BRAP: variants seen among roughly 807,000 people sequenced by gnomAD.
BRAP encodes BRCA1 associated protein.
BRAP carries 42 observed loss-of-function variants against 73.4 expected under a neutral mutation model. The ratio of observed to expected loss-of-function variants is 0.57; its 90% CI spans 0.45 to 0.74. BRAP has a LOEUF of 0.74. Ranked by LOEUF, BRAP falls within the 30% of genes least tolerant of loss-of-function variation. BRAP has a pLI of 0.00. For missense variants in BRAP, 593 were observed against 751.4 expected, an observed-to-expected ratio of 0.79 and a Z score of 2.46; for synonymous variants, 255 against 267.4, an observed-to-expected ratio of 0.95 and a Z score of 0.45.
chr12:111,674,363 C>T (rs981100210), intron 4 of BRAP, among the ~76,000 whole-genome samples: 10 of 152,278 alleles, frequency 6.6e-5, no homozygotes, highest in Admixed American at 2.0e-4. Context: ...CTGTCTCAGT[C>T]TCCTGTGTAG....
At chr12:111,685,663 CG>C (rs759884555) in intron 1 of BRAP, 47 bp downstream of exon 1, 1 of 1,567,170 alleles carries the variant, frequency 6.4e-7, no homozygotes, top group South Asian at 1.2e-5. Flanking sequence ...GGAAGCCCTC[CG>C]GGCCCAGACC....
In BRAP at chr12:111,665,752, G is replaced by A. The variant is rs1271112643; in HGVS notation, c.783C>T (p.Leu261=). 1 of 1,614,138 alleles carries A rather than the reference G, an allele frequency of 6.2e-7. No homozygotes were observed. Among genetic ancestry groups the A allele is most frequent in the Non-Finnish European group, 8.5e-7 (1 of 1,180,048 alleles). Residue 261 remains leucine (L), a synonymous_variant, in exon 6 of 12, where the codon CTC becomes CTT. Transcript: ENST00000419234. This position sits in a 1 kb window ranked among gnomAD's most constrained non-coding sequence, Gnocchi z 4.3. The stretch of plus-strand genomic sequence containing the variant: ...GCTCCAGACACACCGTGCACTTGGG[G>A]AGTTCAGTCAGGTCCATCACTGGGA... ...ASLPVMDLTE[L]PKCTVCLERM...
chr12:111,678,910 C>T (rs1482047001), intron 4 of BRAP, among the ~76,000 whole-genome samples: 1 of 150,726 alleles, frequency 6.6e-6, no homozygotes, highest in Non-Finnish European at 1.5e-5. Flanking sequence ...TTGCTTGAGG[C>T]CAAGAGTAGC....
rs1465484457 is a variant in BRAP at position 111,650,585 on chromosome 12, T to C, written c.1312-543A>G. Among the ~76,000 whole-genome samples the C allele has an allele frequency of 2.6e-5, 4 of 151,798 alleles. No individual in the cohort carries two copies. In the East Asian group the frequency reaches 7.8e-4, roughly 30 times the overall value. On this transcript the variant is annotated intron_variant, in intron 10 of 11. Coordinates refer to ENST00000419234, the MANE Select transcript of BRAP (RefSeq NM_006768.5). ...CCGGCCTAATTTTTCTATTTTTTAG[T>C]AGAGATGCCACGTTGGCCAGGCTGG... is the stretch of plus-strand genomic sequence containing the variant.
chr12:111,679,309 G>A lies in BRAP; in HGVS notation c.475C>T (p.Arg159Cys), dbSNP rs764367096. The change falls in exon 4 of 12, where the codon CGC (arginine) becomes TGC (cysteine). Residue 159 changes from arginine to cysteine, a missense_variant. Transcript: ENST00000419234. ...GTGAGAATACACAGCATGGCACTGC[G>A]CCGCACATCTTCTTTTAAGGAGGTC... ...KMTSLKEDVR[R>C]SAMLCILTVP... The A allele has an allele frequency of 2.2e-5, 34 of 1,568,570 alleles. No individual in the cohort carries two copies. Among genetic ancestry groups the A allele is most frequent in the Admixed American group, 9.2e-5 (5 of 54,452 alleles).
intron 5 of BRAP, among the ~76,000 whole-genome samples, chr12:111,668,268 T>C (rs1200251580): frequency 2.6e-5 from 4 of 152,188 alleles, no homozygotes; most frequent in Admixed American, 1.3e-4. Context: ...ATTCACAAGT[T>C]AGTAATTTAA....
In BRAP at chr12:111,643,762, C is replaced by G. The variant is rs752847691; in HGVS notation, c.*437G>C. On this transcript the variant is annotated 3_prime_UTR_variant, in exon 12 of 12. Coordinates refer to ENST00000419234, the MANE Select transcript of BRAP (RefSeq NM_006768.5). ...TCCTTAATAGCCAATGGAAACCTCT[C>G]TTTAAAGCAGCTGTTATGCCCTCAG... The G allele has an allele frequency of 1.4e-4, 23 of 163,510 alleles. No individual in the cohort carries two copies. The highest frequency in any genetic ancestry group is 2.9e-4 in the Admixed American group (5 of 17,234). 10.1% of individuals were successfully genotyped at this position (163,510 alleles called of 1,614,324 possible).
intron 10 of BRAP, among the ~76,000 whole-genome samples, chr12:111,652,699 A>G (rs540160561): frequency 1.3e-5 from 2 of 152,042 alleles, no homozygotes; most frequent in East Asian, 3.9e-4. Context: ...CAACATAGTA[A>G]GATTCCCCCA....
At chr12:111,683,907 T>C (rs902572915) in intron 1 of BRAP, among the ~76,000 whole-genome samples, 1 of 152,140 alleles carries the variant, frequency 6.6e-6, no homozygotes, top group Non-Finnish European at 1.5e-5. Context: ...ACAGTGATCA[T>C]GCCCAGATGA....
Position 111,683,196 on chromosome 12 carries a change from C to A in BRAP, c.194G>T (p.Gly65Val). Residue 65 changes from glycine to valine, a missense_variant, in exon 2 of 12, where the codon GGC becomes GTC. By Grantham distance (109) the Gly-to-Val change is moderately radical. Transcript: ENST00000419234. ...GATCACATCTGTCATTTCTCGACGG[C>A]CGAGATGCTGATGGATAATCGCTAC... ...EKVAIIHQHL[G>V]RREMTDVIIE... The A allele has an allele frequency of 6.2e-7, 1 of 1,614,124 alleles. No homozygotes were observed. Among genetic ancestry groups the A allele is most frequent in the Non-Finnish European group, 8.5e-7 (1 of 1,180,020 alleles).
intron 4 of BRAP, among the ~76,000 whole-genome samples, chr12:111,675,384 GACA>G (rs1464281012): frequency 2.0e-5 from 3 of 151,484 alleles, no homozygotes; most frequent in African/African-American, 4.9e-5. Flanking sequence ...TTTTTGTAAT[GACA>G]ACATCACTAA....
intron 11 of BRAP, among the ~76,000 whole-genome samples, chr12:111,649,133 T>C (rs1176208388): frequency 1.3e-5 from 2 of 152,180 alleles, no homozygotes; most frequent in Non-Finnish European, 2.9e-5. Flanking sequence ...AATTTTGTAG[T>C]GTTGTTTTTA....
rs1226561510 is a variant in BRAP at position 111,655,587 on chromosome 12, T to C, written c.1290A>G (p.Ile430Met). Residue 430 changes from isoleucine (I) to methionine (M), a missense_variant, in exon 10 of 12, where the codon ATA becomes ATG. By Grantham distance (10) the Ile-to-Met change is conservative (BLOSUM62 1). This residue lies in a region of BRAP where 143 missense variants were observed against 190.4 expected (regional missense o/e 0.75). Coordinates refer to ENST00000419234, the MANE Select transcript of BRAP (RefSeq NM_006768.5). ...RIYWENKIVR[I>M]EKDTAEEINN... ...TTACTTCCTCTGCTGTGTCCTTCTC[T>C]ATCCGAACTATCTTGTTTTCCCAGT... 4 of 1,613,646 alleles carry C rather than the reference T, an allele frequency of 2.5e-6. No individual in the cohort carries two copies. Among genetic ancestry groups the C allele is most frequent in the Non-Finnish European group, 3.4e-6 (4 of 1,179,526 alleles).
chr12:111,665,846 C>G lies in BRAP; in HGVS notation c.748-59G>C, dbSNP rs1592983679. 5 of 1,603,826 alleles carry G rather than the reference C, an allele frequency of 3.1e-6. No homozygotes were observed. The East Asian group carries it at 1.1e-4, about 36-fold the overall frequency. ...CATCTACCAGCAATACTTTATTTTT[C>G]CTTCTTTTTTCTGAGACAGGGTCTC... On this transcript the variant is annotated intron_variant, in intron 5 of 11. Coordinates refer to ENST00000419234, the MANE Select transcript of BRAP (RefSeq NM_006768.5). This position sits in a 1 kb window ranked among gnomAD's most constrained non-coding sequence, Gnocchi z 4.3.
chr12:111,660,563 C>G (rs1886708364), intron 7 of BRAP, 37 bp downstream of exon 7: 2 of 1,547,174 alleles, frequency 1.3e-6, no homozygotes, highest in Non-Finnish European at 1.8e-6. Context: ...ACAATTAAAG[C>G]TGCATTCTTT....
At chr12:111,659,469 C>A in intron 7 of BRAP, 124 bp from the exon 8 acceptor site, 1 of 780,396 alleles carries the variant, frequency 1.3e-6, no homozygotes, top group Non-Finnish European at 2.0e-6. Flanking sequence ...GCCTGGCCAA[C>A]ATGATGAAAC....
intron 2 of BRAP, among the ~76,000 whole-genome samples, 165 bp downstream of exon 2, chr12:111,682,981 T>G (rs921828969): frequency 2.0e-5 from 3 of 152,158 alleles, no homozygotes; most frequent in Non-Finnish European, 4.4e-5. Context: ...GAAGAAATAT[T>G]TGGAAACACT....
chr12:111,643,241 C>A lies in BRAP; in HGVS notation c.*958G>T, dbSNP rs1005697178. ...ACAGCTTTTGGTTATATCTTGAAAG[C>A]GTAATTGAAAATCTGCCCAAGCTCC... On this transcript the variant is annotated 3_prime_UTR_variant, in exon 12 of 12. Coordinates refer to ENST00000419234, the MANE Select transcript of BRAP (RefSeq NM_006768.5). 6.6e-6 allele frequency: 1 copy of A among 152,106 alleles called. No individual in the cohort carries two copies. The highest frequency in any genetic ancestry group is 2.4e-5 in the African/African-American group (1 of 41,414). 9.4% of individuals were successfully genotyped at this position (152,106 alleles called of 1,614,324 possible). A position where few individuals can be genotyped will look rare whatever the true frequency, so the allele number is the denominator to read the frequency against.
intron 3 of BRAP, 103 bp downstream of exon 3, chr12:111,681,534 C>T: frequency 1.1e-6 from 1 of 912,326 alleles, no homozygotes; most frequent in South Asian, 2.0e-5. Context: ...TATTTTGAAG[C>T]TTAAAATACC....
Sources: allele counts gnomAD v4.1 joint callset (sites outside exome capture counted in the v4.1 genomes callset), GRCh38; gene constraint gnomAD v4.1.1; regional missense constraint gnomAD v4.1.1; non-coding constraint Gnocchi (gnomAD v3.1); transcripts MANE v1.5; gene names NCBI Gene and HGNC (gene_info 2026-07-23, HGNC 2026-07-21).